Variants in BAIAP2L1 observed in about 807,000 individuals in gnomAD.
The protein encoded by BAIAP2L1 is BAR/IMD domain containing adaptor protein 2 like 1, also known as BAR/IMD domain-containing adapter protein 2-like 1.
Under a neutral mutation model 66.3 loss-of-function variants are expected in BAIAP2L1, and 35 were observed. The ratio of observed to expected loss-of-function variants is 0.53; its 90% CI spans 0.40 to 0.70. The LOEUF (loss-of-function observed/expected upper bound fraction) is 0.70, where lower values mean the gene tolerates loss of function less well. Ranked by LOEUF, BAIAP2L1 falls within the 30% of genes least tolerant of loss-of-function variation. BAIAP2L1 has a pLI of 0.00. For missense variants in BAIAP2L1, 622 were observed against 656.9 expected (o/e 0.95, Z 0.58); for synonymous variants, 269 against 248.7 (o/e 1.08, Z -0.77).
chr7:98,342,041 A>ATTTTTTT (rs142061599), intron 3 of BAIAP2L1, among the ~76,000 whole-genome samples: 1 of 95,070 alleles, frequency 1.1e-5, no homozygotes, highest in Non-Finnish European at 2.0e-5. Context: ...TTTTTTTCTG[A>ATTTTTTT]TTTTTTTTTT....
chr7:98,293,995 G>C, intron 13 of BAIAP2L1, 79 bp downstream of exon 13: 1 of 1,491,362 alleles, frequency 6.7e-7, no homozygotes, highest in Non-Finnish European at 9.3e-7. Flanking sequence ...CCTGGGCTGG[G>C]CACCGAAGGC....
At chr7:98,332,157 T>C (rs6465668) in intron 3 of BAIAP2L1, among the ~76,000 whole-genome samples, 60,871 of 149,828 alleles carry the variant, frequency 0.41, 13,206 homozygotes, top group Middle Eastern at 0.56. Flanking sequence ...CTGAGGCGGG[T>C]GGATCACTTG....
At chr7:98,319,762 G>A (rs1342909618) in intron 5 of BAIAP2L1, among the ~76,000 whole-genome samples, 1 of 152,124 alleles carries the variant, frequency 6.6e-6, no homozygotes, top group Non-Finnish European at 1.5e-5. Context: ...TGTTGGCCAG[G>A]CTGGTCTTGA....
At chr7:98,343,394 T>C (rs1801795019) in intron 3 of BAIAP2L1, among the ~76,000 whole-genome samples, 1 of 151,966 alleles carries the variant, frequency 6.6e-6, no homozygotes, top group Admixed American at 6.6e-5. Context: ...GAGCTTGCAG[T>C]GAGCCAAGAT....
At chr7:98,386,394 C>T in intron 1 of BAIAP2L1, 2 of 1,592,836 alleles carry the variant, frequency 1.3e-6, no homozygotes, top group South Asian at 1.1e-5. Context: ...AAACACACGA[C>T]CCTTGAGACC....
rs1455562864 is a variant in BAIAP2L1 at position 98,293,207 on chromosome 7, CTGT to C, written c.*311_*313del. Reference sequence around the variant, plus strand: ...AAGCATAGACTATCCCTTATTCTGGCTGTTATTAAGGAAAAAATTCATTTAAAA... The same window carrying C: ...AAGCATAGACTATCCCTTATTCTGGCTATTAAGGAAAAAATTCATTTAAAA... On this transcript the variant is annotated 3_prime_UTR_variant, in exon 14 of 14. Coordinates refer to ENST00000005260, the MANE Select transcript of BAIAP2L1 (RefSeq NM_018842.5). 9 of 304,390 alleles carry C rather than the reference CTGT, an allele frequency of 3.0e-5. No individual in the cohort carries two copies. The highest frequency in any genetic ancestry group is 1.4e-4 in the Admixed American group (3 of 20,780). 18.9% of individuals were successfully genotyped at this position (304,390 alleles called of 1,614,324 possible).
At chr7:98,343,267 AC>A (rs1801789128) in intron 3 of BAIAP2L1, among the ~76,000 whole-genome samples, 14 of 150,454 alleles carry the variant, frequency 9.3e-5, no homozygotes, top group African/African-American at 3.2e-4. Flanking sequence ...ACACACACAC[AC>A]ACACACACAC....
At chr7:98,293,741 AGT>A (rs910840569) in intron 13 of BAIAP2L1, 145 bp from the exon 14 acceptor site, 13 of 766,394 alleles carry the variant, frequency 1.7e-5, no homozygotes, top group East Asian at 7.7e-5. Context: ...GCGTTTTCTG[AGT>A]GTGAAAGTTT....
intron 3 of BAIAP2L1, among the ~76,000 whole-genome samples, chr7:98,353,190 T>C (rs1029753393): frequency 6.6e-5 from 10 of 151,338 alleles, no homozygotes; most frequent in African/African-American, 2.2e-4. Flanking sequence ...TGCATGTAAC[T>C]GAGTCTATTA....
chr7:98,344,630 A>C (rs111366231), intron 3 of BAIAP2L1, among the ~76,000 whole-genome samples: 2 of 152,258 alleles, frequency 1.3e-5, no homozygotes, highest in African/African-American at 4.8e-5. Flanking sequence ...TGTATATTAA[A>C]GTGTATCTTC....
rs1326326528 is a variant in BAIAP2L1, at chr7:98,401,058, GAGC to G, written c.-209_-207del. On this transcript the variant is annotated 5_prime_UTR_variant, in exon 1 of 14. Transcript: ENST00000005260. The stretch of plus-strand genomic sequence containing the variant: ...CAGCGCCGCCCTGGCCTTCTTCGAG[GAGC>G]AGAGGAGAAGCGGCCGGACGCCGCC... 7 of 401,106 alleles carry G rather than the reference GAGC, an allele frequency of 1.7e-5. No individual in the cohort carries two copies. Among genetic ancestry groups the G allele is most frequent in the Non-Finnish European group, 3.0e-5 (7 of 235,596 alleles). The allele number at this position is 401,106 out of a possible 1,614,324, so 24.8% of individuals were successfully genotyped here.
In BAIAP2L1 at chr7:98,362,373, A is replaced by G. The variant is rs750789506; in HGVS notation, c.111T>C (p.Tyr37=). Residue 37 remains tyrosine, a synonymous_variant, in exon 2 of 14, where the codon TAT becomes TAC. Coordinates refer to ENST00000005260, the MANE Select transcript of BAIAP2L1 (RefSeq NM_018842.5). ...CAGACTTACCGTTTACAGCTTTCTCATAATTTTTCCCCAGGTTTATTAAAT... is the reference window on the plus strand; with the variant it reads ...CAGACTTACCGTTTACAGCTTTCTCGTAATTTTTCCCCAGGTTTATTAAAT... The part of the protein sequence containing the change: ...LRNLINLGKN[Y]EKAVNAMILA... 1.2e-6 allele frequency: 2 copies of G among 1,611,438 alleles called. No individual in the cohort carries two copies. The highest frequency in any genetic ancestry group is 1.1e-5 in the South Asian group (1 of 90,722).
At chr7:98,299,645 C>G (rs1800338464) in intron 12 of BAIAP2L1, among the ~76,000 whole-genome samples, 1 of 152,246 alleles carries the variant, frequency 6.6e-6, no homozygotes, top group South Asian at 2.1e-4. Context: ...GTGTGAGCCA[C>G]CGTGCCCAGC....
chr7:98,315,686 G>A (rs1000565224), intron 6 of BAIAP2L1, 74 bp from the exon 7 acceptor site: 83 of 721,190 alleles, frequency 1.2e-4, no homozygotes, highest in Non-Finnish European at 1.5e-4. Context: ...GCAGCCTGAC[G>A]TTTATCTTCT....
chr7:98,310,262 TCA>T (rs1800819365), intron 9 of BAIAP2L1, 181 bp downstream of exon 9: 3 of 573,996 alleles, frequency 5.2e-6, no homozygotes, highest in Admixed American at 4.0e-5. Flanking sequence ...TCAGAGCGTC[TCA>T]CAGTCTAGTC....
intron 3 of BAIAP2L1, among the ~76,000 whole-genome samples, chr7:98,348,361 G>A (rs1801921768): frequency 6.6e-6 from 1 of 152,052 alleles, no homozygotes; most frequent in Non-Finnish European, 1.5e-5. Context: ...GAGGTCAAGA[G>A]TTCAAGACCA....
In BAIAP2L1 at chr7:98,293,412, TA is replaced by T; in HGVS notation, c.*108del. 1.0e-6 allele frequency: 1 copy of T among 998,516 alleles called. No individual in the cohort carries two copies. The highest frequency in any genetic ancestry group is 1.6e-5 in the African/African-American group (1 of 63,996). 61.9% of individuals were successfully genotyped at this position (998,516 alleles called of 1,614,324 possible). A position where few individuals can be genotyped will look rare whatever the true frequency, so the allele number is the denominator to read the frequency against. On this transcript the variant is annotated 3_prime_UTR_variant, in exon 14 of 14. Transcript: ENST00000005260. ...TTGCTTAAGCAGGCGACATTAGAGT[TA>T]GGCCTCTCCACTGAAGCTTCCCGAC... is the stretch of plus-strand genomic sequence containing the variant.
At chr7:98,322,411 C>A (rs1480923176) in intron 3 of BAIAP2L1, among the ~76,000 whole-genome samples, 1 of 152,150 alleles carries the variant, frequency 6.6e-6, no homozygotes. Context: ...GGCTGCCCTG[C>A]ATTCTCTAAT....
intron 7 of BAIAP2L1, among the ~76,000 whole-genome samples, chr7:98,314,111 G>A (rs1479018103): frequency 1.3e-5 from 2 of 149,872 alleles, no homozygotes; most frequent in Non-Finnish European, 3.0e-5. Flanking sequence ...TCAGCCTCCT[G>A]AGTAGCTGGG....
Sources: gnomAD v4.1 joint callset for allele counts (sites outside exome capture counted in the v4.1 genomes callset) on GRCh38, gnomAD v4.1.1 for gene constraint, MANE v1.5 for transcripts, NCBI Gene and HGNC (gene_info 2026-07-23, HGNC 2026-07-21) for gene names.